SKI: variants seen among roughly 807,000 people sequenced by gnomAD.
SKI encodes the protein ski oncogene.
In SKI, 23 loss-of-function variants were observed where a neutral mutation model predicts 59.3. That is an observed-to-expected ratio of 0.39 (90% confidence interval 0.28 to 0.55). SKI has a LOEUF of 0.55. SKI is among the 20% of genes least tolerant of loss of function. The pLI is 0.67. For synonymous variants in SKI, 673 were observed against 488.6 expected, an observed-to-expected ratio of 1.38 and a Z score of -4.98; for missense variants, 1,017 against 1,038.9, an observed-to-expected ratio of 0.98 and a Z score of 0.29.
chr1:2,280,674 C>T (rs1192082547), intron 1 of SKI, among the ~76,000 whole-genome samples: 24 of 86,870 alleles, frequency 2.8e-4, no homozygotes, highest in African/African-American at 4.7e-4. Flanking sequence ...CAGGCGGCGG[C>T]GGCGATCTTC....
intron 1 of SKI, chr1:2,240,498 G>T: frequency 1.0e-6 from 1 of 985,462 alleles, no homozygotes; most frequent in Middle Eastern, 5.2e-4. Flanking sequence ...CCCGTGGGTG[G>T]TGGCGGGTGG....
At chr1:2,244,575 G>A (rs574910281) in intron 1 of SKI, among the ~76,000 whole-genome samples, 8 of 152,246 alleles carry the variant, frequency 5.3e-5, no homozygotes, top group Non-Finnish European at 1.2e-4. Flanking sequence ...GCGAGACTCT[G>A]TCTCAAAAAA....
chr1:2,243,539 C>G (rs529699650), intron 1 of SKI, among the ~76,000 whole-genome samples: 214 of 152,310 alleles, frequency 1.4e-3, no homozygotes, highest in African/African-American at 4.9e-3. Flanking sequence ...GTTCTTGTGC[C>G]TTGGGACGAG....
chr1:2,304,001 C>T lies in SKI; in HGVS notation c.1373C>T (p.Thr458Ile). ...ACCCAGCCTCGGAAGCGGAAGCTGA[C>T]TGTGGACACCCCAGGAGCCCCAGAG... The part of the protein sequence containing the change: ...TCTQPRKRKL[T>I]VDTPGAPETL... Residue 458 changes from threonine to isoleucine, a missense_variant, in exon 4 of 7, where the codon ACT becomes ATT. Thr to Ile is a moderately conservative substitution (Grantham distance 89). Transcript: ENST00000378536. 6.2e-7 allele frequency: 1 copy of T among 1,612,604 alleles called. No individual in the cohort carries two copies. The highest frequency in any genetic ancestry group is 1.3e-5 in the African/African-American group (1 of 75,062).
At chr1:2,243,455 G>A (rs1458693169) in intron 1 of SKI, among the ~76,000 whole-genome samples, 1 of 152,208 alleles carries the variant, frequency 6.6e-6, no homozygotes, top group Non-Finnish European at 1.5e-5. Flanking sequence ...GCTGGTCTGC[G>A]CGTGTGCTCT....
In SKI at chr1:2,306,582, A is replaced by G. The variant is rs1640588986; in HGVS notation, c.2004A>G (p.Glu668=). 7 of 1,542,494 alleles carry G rather than the reference A, an allele frequency of 4.5e-6. No homozygotes were observed. Among genetic ancestry groups the G allele is most frequent in the African/African-American group, 1.4e-5 (1 of 72,688 alleles). The change falls in exon 7 of 7, where the codon GAA becomes GAG. Residue 668 remains glutamate (E), a synonymous_variant. Coordinates refer to ENST00000378536, the MANE Select transcript of SKI (RefSeq NM_003036.4). ...ACCACTCGGCTCCCTTTCAGATCGAAGACCTGCAGGTGAAGCTGCAGCACG... is the reference window on the plus strand; with the variant it reads ...ACCACTCGGCTCCCTTTCAGATCGAGGACCTGCAGGTGAAGCTGCAGCACG... ...RLRAKYSAQI[E]DLQVKLQHAE...
In SKI at chr1:2,307,310, C is replaced by A. The variant is rs1008062320; in HGVS notation, c.*545C>A. On this transcript the variant is annotated 3_prime_UTR_variant, in exon 7 of 7. Transcript: ENST00000378536. Reference sequence around the variant, plus strand: ...AAGGACCCAGGTCTTCCTGCTGCTGCCAGGGAGAGCAGGGACAGTGCCGCG... The same window carrying A: ...AAGGACCCAGGTCTTCCTGCTGCTGACAGGGAGAGCAGGGACAGTGCCGCG... 7 of 152,596 alleles carry A rather than the reference C, an allele frequency of 4.6e-5. No individual in the cohort carries two copies. Among genetic ancestry groups the A allele is most frequent in the African/African-American group, 1.7e-4 (7 of 41,410 alleles). 9.5% of individuals were successfully genotyped at this position (152,596 alleles called of 1,614,324 possible).
At chr1:2,240,398 G>T (rs1291598828) in intron 1 of SKI, 1 of 779,900 alleles carries the variant, frequency 1.3e-6, no homozygotes, top group East Asian at 1.3e-4. Context: ...CTGGCTACGG[G>T]CAGGAGTGTG....
Position 2,303,034 on chromosome 1 carries a change from G to C in SKI, c.1026G>C (p.Gln342His). Residue 342 changes from glutamine to histidine, a missense_variant, in exon 2 of 7, where the codon CAG (glutamine) becomes CAC (histidine). By Grantham distance (24) the Gln-to-His change is conservative. Transcript: ENST00000378536. The surrounding 1 kb of genome is among the most constrained non-coding windows in gnomAD (Gnocchi z 5.6). Reference sequence around the variant, plus strand: ...CCAAAACAGATGACACCTCTTCCCAGTCCCCCGCGCCTTCCGAAAAGGACA... The same window carrying C: ...CCAAAACAGATGACACCTCTTCCCACTCCCCCGCGCCTTCCGAAAAGGACA... ...IRPKTDDTSS[Q>H]SPAPSEKDKP... 1 of 1,613,740 alleles carries C rather than the reference G, an allele frequency of 6.2e-7. No individual in the cohort carries two copies. The highest frequency in any genetic ancestry group is 2.2e-5 in the East Asian group (1 of 44,874).
chr1:2,306,669 C>G lies in SKI; in HGVS notation c.2091C>G (p.His697Gln), dbSNP rs1487847272. 3 of 1,544,938 alleles carry G rather than the reference C, an allele frequency of 1.9e-6. No homozygotes were observed. Among genetic ancestry groups the G allele is most frequent in the African/African-American group, 2.8e-5 (2 of 72,682 alleles). Reference sequence around the variant, plus strand: ...TGCGGGAGCGCGAGGCCCGGGAGCACCTGGAGAAGGTGGTGAAGGAGCTGC... The same window carrying G: ...TGCGGGAGCGCGAGGCCCGGGAGCAGCTGGAGAAGGTGGTGAAGGAGCTGC... ...DLLREREARE[H>Q]LEKVVKELQE... Residue 697 changes from histidine to glutamine, a missense_variant, in exon 7 of 7, where the codon CAC (histidine) becomes CAG (glutamine). By Grantham distance (24) the His-to-Gln change is conservative. Coordinates refer to ENST00000378536, the MANE Select transcript of SKI (RefSeq NM_003036.4).
chr1:2,257,953 G>A (rs1237491677), intron 1 of SKI, among the ~76,000 whole-genome samples: 2 of 152,116 alleles, frequency 1.3e-5, no homozygotes, highest in Non-Finnish European at 2.9e-5. Flanking sequence ...GGTTAGGTTG[G>A]TCTCGAACTC....
chr1:2,229,513 C>G lies in SKI; in HGVS notation c.747C>G (p.Asp249Glu), dbSNP rs1269332134. ...GCGCCGCCTGCATCCAGTGCCTGGACTGCCGCCTCATGTACCCGCCGCACA... is the reference window on the plus strand; with the variant it reads ...GCGCCGCCTGCATCCAGTGCCTGGAGTGCCGCCTCATGTACCCGCCGCACA... ...SPSAACIQCLDCRLMYPPHKF... is the reference protein window; with the variant it reads ...SPSAACIQCLECRLMYPPHKF... Residue 249 changes from aspartate to glutamate, a missense_variant, in exon 1 of 7, where the codon GAC (aspartate) becomes GAG (glutamate). By Grantham distance (45) the Asp-to-Glu change is conservative. Transcript: ENST00000378536. The surrounding 1 kb of genome is among the most constrained non-coding windows in gnomAD (Gnocchi z 6.3). 1.2e-6 allele frequency: 2 copies of G among 1,611,486 alleles called. No individual in the cohort carries two copies. Among genetic ancestry groups the G allele is most frequent in the African/African-American group, 1.3e-5 (1 of 74,948 alleles).
At position 2,240,741 on chromosome 1, in the gene SKI, T is replaced by C. The variant is rs1021747362; in HGVS notation, c.969+11006T>C. ...GGAGAGCGGTGGCGCAGACACGGAC[T>C]TCACCCTTGGTGGGAGGGGAGAAGC... On this transcript the variant is annotated intron_variant, in intron 1 of 6. Transcript: ENST00000378536. 12 of 985,296 alleles carry C rather than the reference T, an allele frequency of 1.2e-5. No individual in the cohort carries two copies. In the African/African-American group the frequency reaches 2.1e-4, roughly 17 times the overall value. The allele number at this position is 985,296 out of a possible 1,614,324, so 61.0% of individuals were successfully genotyped here.
chr1:2,284,537 G>GGC (rs1201116540), intron 1 of SKI, among the ~76,000 whole-genome samples: 1 of 152,044 alleles, frequency 6.6e-6, no homozygotes, highest in East Asian at 2.0e-4. Context: ...TGAGGTGCCT[G>GGC]GGGGGGCAGG....
chr1:2,300,665 C>CT (rs1357017055), intron 1 of SKI, among the ~76,000 whole-genome samples: 1 of 152,238 alleles, frequency 6.6e-6, no homozygotes, highest in Non-Finnish European at 1.5e-5. Context: ...ACACGTTTCT[C>CT]TCCGTTTCTC....
In SKI at chr1:2,228,713, C is replaced by T. The variant is rs1333048235; in HGVS notation, c.-54C>T. 5.1e-6 allele frequency: 5 copies of T among 979,414 alleles called. No individual in the cohort carries two copies. Among genetic ancestry groups the T allele is most frequent in the Non-Finnish European group, 2.4e-6 (2 of 825,850 alleles). 60.7% of individuals were successfully genotyped at this position (979,414 alleles called of 1,614,324 possible). On this transcript the variant is annotated 5_prime_UTR_variant, in exon 1 of 7. Transcript: ENST00000378536. ...GGGCGCGCGGGGCGGCGGCGGGGGCCGGGGGGGCCCGGGCGCGCGGGAGCG... is the reference window on the plus strand; with the variant it reads ...GGGCGCGCGGGGCGGCGGCGGGGGCTGGGGGGGCCCGGGCGCGCGGGAGCG...
At chr1:2,272,424 T>C (rs1475126523) in intron 1 of SKI, among the ~76,000 whole-genome samples, 2 of 152,178 alleles carry the variant, frequency 1.3e-5, no homozygotes, top group African/African-American at 4.8e-5. Flanking sequence ...AGCCCTCCGC[T>C]GGGGGGTTGG....
intron 1 of SKI, among the ~76,000 whole-genome samples, chr1:2,230,731 T>C (rs1638616481): frequency 6.6e-6 from 1 of 152,238 alleles, no homozygotes; most frequent in Non-Finnish European, 1.5e-5. Flanking sequence ...CTTTTAAATA[T>C]CCAGGCTTAT....
chr1:2,306,687 G>C lies in SKI; in HGVS notation c.2109G>C (p.Lys703Asn). The change falls in exon 7 of 7, where the codon AAG becomes AAC. Residue 703 changes from lysine (K) to asparagine (N), a missense_variant. By Grantham distance (94) the Lys-to-Asn change is moderately conservative. Transcript: ENST00000378536. ...EAREHLEKVV[K>N]ELQEQLWPRA... ...GGGAGCACCTGGAGAAGGTGGTGAA[G>C]GAGCTGCAGGAACAGCTGTGGCCGC... The C allele has an allele frequency of 6.5e-7, 1 of 1,544,242 alleles. No homozygotes were observed. The highest frequency in any genetic ancestry group is 8.7e-7 in the Non-Finnish European group (1 of 1,145,042).
Sources: allele counts gnomAD v4.1 joint callset (sites outside exome capture counted in the v4.1 genomes callset), GRCh38; gene constraint gnomAD v4.1.1; non-coding constraint Gnocchi (gnomAD v3.1); transcripts MANE v1.5; gene names NCBI Gene and HGNC (gene_info 2026-07-23, HGNC 2026-07-21).